CYFIP1: variants seen among roughly 807,000 people sequenced by gnomAD.
The protein encoded by CYFIP1 is cytoplasmic FMR1 interacting protein 1.
In CYFIP1, 58 loss-of-function variants were observed where a neutral mutation model predicts 163.5. That is an observed-to-expected ratio of 0.35 (90% confidence interval 0.29 to 0.44). CYFIP1 has a LOEUF of 0.44. Among genes scored for constraint, CYFIP1 ranks in the 20% least tolerant of loss-of-function variants. CYFIP1 has a pLI of 1.00. For missense variants in CYFIP1, 1,338 were observed against 1,653.8 expected (o/e 0.81, Z 3.31); for synonymous variants, 663 against 660.7 (o/e 1.00, Z -0.05).
intron 6 of CYFIP1, among the ~76,000 whole-genome samples, chr15:22,940,933 G>A (rs1464943355): frequency 5.9e-5 from 9 of 152,228 alleles, no homozygotes; most frequent in Non-Finnish European, 1.2e-4. Context: ...CCAACTACTC[G>A]GGAGGCTGAG....
At chr15:22,937,288 G>T in intron 8 of CYFIP1, 80 bp from the exon 9 acceptor site, 1 of 821,092 alleles carries the variant, frequency 1.2e-6, no homozygotes, top group Non-Finnish European at 2.1e-6. Context: ...CACTGTTACA[G>T]CTGATGACTT....
intron 15 of CYFIP1, 62 bp from the exon 16 acceptor site, chr15:22,916,692 A>G: frequency 6.2e-7 from 1 of 1,614,130 alleles, no homozygotes; most frequent in Non-Finnish European, 8.5e-7. Context: ...AGTTATGCCA[A>G]ACTCAAAAAG....
chr15:22,950,099 A>G (rs1461287911), intron 1 of CYFIP1, among the ~76,000 whole-genome samples: 1 of 152,250 alleles, frequency 6.6e-6, no homozygotes, highest in Non-Finnish European at 1.5e-5. Context: ...TGATAAAGAT[A>G]GTGATCTAAC....
intron 25 of CYFIP1, among the ~76,000 whole-genome samples, chr15:22,880,678 C>A (rs780219400): frequency 6.6e-6 from 1 of 152,166 alleles, no homozygotes; most frequent in Non-Finnish European, 1.5e-5. Flanking sequence ...CAGGAGGGGC[C>A]TAAACTACCC....
chr15:22,958,102 T>C (rs1013082102), intron 1 of CYFIP1, among the ~76,000 whole-genome samples: 3 of 145,220 alleles, frequency 2.1e-5, no homozygotes, highest in Non-Finnish European at 4.7e-5. Context: ...ATTTGCTTTT[T>C]TTTTTTTTTT....
intron 9 of CYFIP1, among the ~76,000 whole-genome samples, chr15:22,936,812 C>A (rs942285903): frequency 1.3e-5 from 2 of 152,192 alleles, no homozygotes; most frequent in Admixed American, 1.3e-4. Flanking sequence ...TAGCTACGGG[C>A]TTCCTCCAGG....
intron 21 of CYFIP1, among the ~76,000 whole-genome samples, chr15:22,906,848 C>T (rs926032963): frequency 1.3e-5 from 2 of 152,154 alleles, no homozygotes; most frequent in African/African-American, 2.4e-5. Flanking sequence ...GTCTGTCTGA[C>T]GTGCCTCCAC....
At chr15:22,875,731 G>C (rs111593125) in intron 26 of CYFIP1, among the ~76,000 whole-genome samples, 2 of 151,712 alleles carry the variant, frequency 1.3e-5, no homozygotes, top group African/African-American at 4.9e-5. Context: ...ACAGGAGATG[G>C]AAGGAGTAGG....
Position 22,917,006 on chromosome 15 carries a change from G to A in CYFIP1, c.1675-376C>T, listed in dbSNP as rs190676598. Reference sequence around the variant, plus strand: ...GCAGCTCGGCAGAGCCCAAGGACTCGGCCATGGTGCGCACCAGGTAGAGCT... The same window carrying A: ...GCAGCTCGGCAGAGCCCAAGGACTCAGCCATGGTGCGCACCAGGTAGAGCT... On this transcript the variant is annotated intron_variant, in intron 15 of 30. Transcript: ENST00000617928. This position sits in a 1 kb window ranked among gnomAD's most constrained non-coding sequence, Gnocchi z 4.2. The A allele has an allele frequency of 6.3e-5, 98 of 1,550,128 alleles. No individual in the cohort carries two copies. The highest frequency in any genetic ancestry group is 9.9e-5 in the Admixed American group (5 of 50,702).
intron 23 of CYFIP1, among the ~76,000 whole-genome samples, chr15:22,892,056 C>T (rs74457678): frequency 0.013 from 1,998 of 152,280 alleles, 45 homozygotes; most frequent in African/African-American, 0.043. Flanking sequence ...CCGGGGACAC[C>T]GCAGCTCGCA....
intron 22 of CYFIP1, among the ~76,000 whole-genome samples, chr15:22,894,877 A>ATTT (rs1183343566): frequency 5.4e-4 from 75 of 138,298 alleles, no homozygotes; most frequent in East Asian, 2.5e-3. Flanking sequence ...ATATATATAT[A>ATTT]TTTTTTTTTT....
chr15:22,943,245 T>C lies in CYFIP1; in HGVS notation c.497A>G (p.Asn166Ser), dbSNP rs764835760. The change falls in exon 6 of 31, where the codon AAC (asparagine) becomes AGC (serine). Residue 166 changes from asparagine to serine, a missense_variant. By Grantham distance (46) the Asn-to-Ser change is conservative (BLOSUM62 1). Coordinates refer to ENST00000617928, the MANE Select transcript of CYFIP1 (RefSeq NM_014608.6). ...CAGCTCGTCCAGCACAGCGAACATG[T>C]TGATGAATTTGCCCAGTGTGATCAG... ...AYLITLGKFI[N>S]MFAVLDELKN... The C allele has an allele frequency of 7.4e-6, 12 of 1,614,082 alleles. No homozygotes were observed. In the South Asian group the frequency reaches 7.7e-5, roughly 10 times the overall value.
chr15:22,921,580 T>G (rs2061179036), intron 13 of CYFIP1, among the ~76,000 whole-genome samples: 1 of 145,878 alleles, frequency 6.9e-6, no homozygotes, highest in Non-Finnish European at 1.5e-5. Flanking sequence ...CTTTGGGAGG[T>G]CAAGGAGGGT....
chr15:22,882,034 G>T, intron 24 of CYFIP1, 98 bp from the exon 25 acceptor site: 4 of 1,017,898 alleles, frequency 3.9e-6, no homozygotes, highest in South Asian at 1.4e-5. Context: ...TTAGCAAAGA[G>T]CTCGGTAACC....
At chr15:22,970,893 G>A (rs777286877) in intron 1 of CYFIP1, among the ~76,000 whole-genome samples, 10 of 151,898 alleles carry the variant, frequency 6.6e-5, no homozygotes, top group African/African-American at 1.2e-4. Flanking sequence ...TGGCTAACAC[G>A]GTGAAATCCC....
At chr15:22,976,722 T>C (rs1217250782) in intron 1 of CYFIP1, among the ~76,000 whole-genome samples, 1 of 152,208 alleles carries the variant, frequency 6.6e-6, no homozygotes, top group Non-Finnish European at 1.5e-5. Flanking sequence ...ATCATAGGCA[T>C]AGATGTATAG....
At chr15:22,878,300 C>T (rs2059642641) in intron 26 of CYFIP1, among the ~76,000 whole-genome samples, 1 of 152,126 alleles carries the variant, frequency 6.6e-6, no homozygotes, top group African/African-American at 2.4e-5. Context: ...CATGTTAGAG[C>T]AACGATGAGC....
In CYFIP1 at chr15:22,927,945, C is replaced by A. The variant is rs1409136278; in HGVS notation, c.1194G>T (p.Leu398=). The part of the protein sequence containing the change: ...RKLFDLALQG[L]QLLSQWSAHV... ...GCGCGCTCCACTGCGACAACAGCTG[C>A]AGGCCCTGCAGCGCCAGGTCGAAGA... Residue 398 remains leucine (L), a synonymous_variant, in exon 12 of 31, where the codon CTG becomes CTT. Transcript: ENST00000617928. 6.2e-7 allele frequency: 1 copy of A among 1,606,266 alleles called. No individual in the cohort carries two copies.
At chr15:22,872,534 C>T in intron 30 of CYFIP1, 2 of 316,092 alleles carry the variant, frequency 6.3e-6, no homozygotes, top group South Asian at 7.8e-5. Context: ...GCACAGACTT[C>T]CAGGGGCCCG....
Sources: gnomAD v4.1 joint callset for allele counts (sites outside exome capture counted in the v4.1 genomes callset) on GRCh38, gnomAD v4.1.1 for gene constraint, Gnocchi (gnomAD v3.1) non-coding constraint, MANE v1.5 for transcripts, NCBI Gene and HGNC (gene_info 2026-07-23, HGNC 2026-07-21) for gene names.